SRCAP: variants seen among roughly 807,000 people sequenced by gnomAD.
The protein encoded by SRCAP is Snf2 related CREBBP activator protein, also known as chromatin remodeling protein SRCAP.
In SRCAP, 46 loss-of-function variants were observed where a neutral mutation model predicts 263.1. That is an observed-to-expected ratio of 0.17 (90% confidence interval 0.14 to 0.22). The LOEUF (loss-of-function observed/expected upper bound fraction) is 0.22, where lower values mean the gene tolerates loss of function less well. Ranked by LOEUF, SRCAP falls within the 10% of genes least tolerant of loss-of-function variation. The pLI is 1.00. For synonymous variants in SRCAP, 1,813 were observed against 1,662.1 expected, an observed-to-expected ratio of 1.09 and a Z score of -2.21; for missense variants, 3,695 against 4,181.9, an observed-to-expected ratio of 0.88 and a Z score of 3.21.
chr16:30,724,603 A>G lies in SRCAP; in HGVS notation c.5179A>G (p.Thr1727Ala), dbSNP rs750364979. Residue 1727 changes from threonine to alanine, a missense_variant, in exon 25 of 34, where the codon ACT (threonine) becomes GCT (alanine). Coordinates refer to ENST00000262518, the MANE Select transcript of SRCAP (RefSeq NM_006662.3). ...AACTCCAGCATCATCCCTGGTACCAACTCCAGCCCAGACACTGTCTTTGGC... is the reference window on the plus strand; with the variant it reads ...AACTCCAGCATCATCCCTGGTACCAGCTCCAGCCCAGACACTGTCTTTGGC... ...SLTPASSLVP[T>A]PAQTLSLAPG... 12 of 1,613,140 alleles carry G rather than the reference A, an allele frequency of 7.4e-6. No individual in the cohort carries two copies. The highest frequency in any genetic ancestry group is 5.0e-5 in the Admixed American group (3 of 59,934).
chr16:30,711,475 T>C (rs1455657532), intron 10 of SRCAP, 96 bp from the exon 11 acceptor site: 30 of 1,298,536 alleles, frequency 2.3e-5, no homozygotes, highest in Non-Finnish European at 3.1e-5. Flanking sequence ...GGCCTAGCAG[T>C]ATCTACAGAG....
rs374747135 is a variant in SRCAP, at chr16:30,711,582, A to G, written c.1330A>G (p.Met444Val). ...SELAREGELS[M>V]EELLQQYAGA... ...TGTTTCTCTTCCAGGTGAGCTTTCCATGGAGGAGCTATTGCAGCAGTATGC... is the reference window on the plus strand; with the variant it reads ...TGTTTCTCTTCCAGGTGAGCTTTCCGTGGAGGAGCTATTGCAGCAGTATGC... The change falls in exon 11 of 34, where the codon ATG becomes GTG. Residue 444 changes from methionine to valine, a missense_variant. By Grantham distance (21) the Met-to-Val change is conservative. This residue lies in a region of SRCAP where 288 missense variants were observed against 302.4 expected (regional missense o/e 0.95). Coordinates refer to ENST00000262518, the MANE Select transcript of SRCAP (RefSeq NM_006662.3). 54 of 1,591,160 alleles carry G rather than the reference A, an allele frequency of 3.4e-5. No homozygotes were observed. Among genetic ancestry groups the G allele is most frequent in the Non-Finnish European group, 4.5e-5 (53 of 1,171,586 alleles).
At chr16:30,707,528 A>C in intron 5 of SRCAP, 44 bp from the exon 6 acceptor site, 1 of 1,608,786 alleles carries the variant, frequency 6.2e-7, no homozygotes, top group Non-Finnish European at 8.5e-7. Flanking sequence ...TGGGTGGGGA[A>C]GTCTGGCTTT....
In SRCAP at chr16:30,738,262, C is replaced by T; in HGVS notation, c.8222C>T (p.Pro2741Leu). The T allele has an allele frequency of 6.2e-7, 1 of 1,611,412 alleles. No individual in the cohort carries two copies. ...CAAGGGACTGGTCGGCCAGGACAAC[C>T]ACCAGGCCCCAAAGTGCTTCGAAAG... ...RGQGTGRPGQ[P>L]PGPKVLRKLP... Residue 2741 changes from proline (P) to leucine (L), a missense_variant, in exon 34 of 34, where the codon CCA (proline) becomes CTA (leucine). By Grantham distance (98) the Pro-to-Leu change is moderately conservative. Transcript: ENST00000262518.
chr16:30,728,993 C>G lies in SRCAP; in HGVS notation c.5686C>G (p.Gln1896Glu). 6.2e-7 allele frequency: 1 copy of G among 1,613,732 alleles called. No homozygotes were observed. Residue 1896 changes from glutamine (Q) to glutamate (E), a missense_variant, in exon 26 of 34, where the codon CAG (glutamine) becomes GAG (glutamate). By Grantham distance (29) the Gln-to-Glu change is conservative. This residue lies in a region of SRCAP where 1,347 missense variants were observed against 1,304.4 expected (regional missense o/e 1.03). Transcript: ENST00000262518. ...LDSLEEKRKR[Q>E]RSERLERIFQ... ...CTCCCTGGAGGAAAAGCGGAAGCGG[C>G]AGCGGTCTGAACGCCTGGAACGGAT...
At chr16:30,715,287 C>T (rs551341788) in intron 16 of SRCAP, among the ~76,000 whole-genome samples, 5 of 152,220 alleles carry the variant, frequency 3.3e-5, no homozygotes, top group Non-Finnish European at 5.9e-5. Context: ...GGAAGTCGGC[C>T]GGGCGCGGTG....
rs2053211507 is a variant in SRCAP, at chr16:30,740,249, A to G, written c.*516A>G. ...CCTAGCACCTGATCTCTAGCCCAGG[A>G]CTATATGTTCCAGGCAGAAATCTAC... On this transcript the variant is annotated 3_prime_UTR_variant, in exon 34 of 34. Coordinates refer to ENST00000262518, the MANE Select transcript of SRCAP (RefSeq NM_006662.3). The G allele has an allele frequency of 6.6e-6, 1 of 152,444 alleles. No homozygotes were observed. The highest frequency in any genetic ancestry group is 1.5e-5 in the Non-Finnish European group (1 of 68,042). 9.4% of individuals were successfully genotyped at this position (152,444 alleles called of 1,614,324 possible). A position where few individuals can be genotyped will look rare whatever the true frequency, so the allele number is the denominator to read the frequency against.
chr16:30,701,740 C>G (rs2151283172), intron 3 of SRCAP, among the ~76,000 whole-genome samples: 1 of 150,760 alleles, frequency 6.6e-6, no homozygotes, highest in East Asian at 1.9e-4. Flanking sequence ...AACAGTTCTC[C>G]TGCCTCAGCC....
rs557791839 is a variant in SRCAP, at chr16:30,725,024, T to C, written c.5600T>C (p.Phe1867Ser). ...AGCCCTCCCTCCACTGCTACCTCGT[T>C]TGGTGGCCCCCGGCCTCGACGCCAG... ...PPSPPSTATS[F>S]GGPRPRRQPP... Residue 1867 changes from phenylalanine to serine, a missense_variant, in exon 25 of 34, where the codon TTT becomes TCT. Phe to Ser is a radical substitution (Grantham distance 155). Transcript: ENST00000262518. 2 of 1,611,958 alleles carry C rather than the reference T, an allele frequency of 1.2e-6. No individual in the cohort carries two copies. Among genetic ancestry groups the C allele is most frequent in the Admixed American group, 1.7e-5 (1 of 59,880 alleles).
In SRCAP at chr16:30,739,258, C is replaced by G. The variant is rs756246803; in HGVS notation, c.9218C>G (p.Ala3073Gly). 5.0e-6 allele frequency: 8 copies of G among 1,613,774 alleles called. No homozygotes were observed. The highest frequency in any genetic ancestry group is 6.8e-6 in the Non-Finnish European group (8 of 1,180,034). Reference protein sequence around the residue: ...LTRLARLRLEAEGMRGRKSGG... With the variant: ...LTRLARLRLEGEGMRGRKSGG... ...CGCCTGGCCCGCCTTCGGCTTGAAGCAGAAGGAATGCGAGGACGGAAGAGT... is the reference window on the plus strand; with the variant it reads ...CGCCTGGCCCGCCTTCGGCTTGAAGGAGAAGGAATGCGAGGACGGAAGAGT... Residue 3073 changes from alanine to glycine, a missense_variant, in exon 34 of 34, where the codon GCA (alanine) becomes GGA (glycine). Physicochemically the swap from Ala to Gly is moderately conservative, Grantham distance 60. Coordinates refer to ENST00000262518, the MANE Select transcript of SRCAP (RefSeq NM_006662.3).
chr16:30,737,089 A>G lies in SRCAP; in HGVS notation c.7049A>G (p.Lys2350Arg). 1 of 1,610,022 alleles carries G rather than the reference A, an allele frequency of 6.2e-7. No individual in the cohort carries two copies. Among genetic ancestry groups the G allele is most frequent in the African/African-American group, 1.3e-5 (1 of 74,890 alleles). ...EAARKDLDQAKEEVFRLPQEE... is the reference protein window; with the variant it reads ...EAARKDLDQAREEVFRLPQEE... Reference sequence around the variant, plus strand: ...GCCCGCAAAGACCTGGACCAAGCCAAGGAGGAGGTGTTCCGCCTACCCCAA... The same window carrying G: ...GCCCGCAAAGACCTGGACCAAGCCAGGGAGGAGGTGTTCCGCCTACCCCAA... Residue 2350 changes from lysine (K) to arginine (R), a missense_variant, in exon 34 of 34, where the codon AAG (lysine) becomes AGG (arginine). Physicochemically the swap from Lys to Arg is conservative, Grantham distance 26. This residue lies in a region of SRCAP where 91 missense variants were observed against 150.6 expected (regional missense o/e 0.60). Transcript: ENST00000262518.
rs747375068 is a variant in SRCAP, at chr16:30,710,746, C to T, written c.1135-8C>T. 2 of 1,613,802 alleles carry T rather than the reference C, an allele frequency of 1.2e-6. No individual in the cohort carries two copies. Among genetic ancestry groups the T allele is most frequent in the South Asian group, 1.1e-5 (1 of 91,080 alleles). On this transcript the variant is annotated splice_polypyrimidine_tract_variant and splice_region_variant and intron_variant, in intron 8 of 33. Coordinates refer to ENST00000262518, the MANE Select transcript of SRCAP (RefSeq NM_006662.3). ...AGACCCTTCCCTTTTTTATCTTTTG[C>T]CATACAGATAAAGCCCCCACCCTCT... is the stretch of plus-strand genomic sequence containing the variant.
intron 16 of SRCAP, among the ~76,000 whole-genome samples, chr16:30,715,660 A>G (rs2052941395): frequency 6.6e-6 from 1 of 151,466 alleles, no homozygotes. Context: ...CACTGTAGAC[A>G]TTGATGACTG....
At position 30,723,720 on chromosome 16, in the gene SRCAP, A is replaced by T; in HGVS notation, c.4296A>T (p.Ser1432=). The T allele has an allele frequency of 6.2e-7, 1 of 1,613,804 alleles. No homozygotes were observed. The highest frequency in any genetic ancestry group is 8.5e-7 in the Non-Finnish European group (1 of 1,179,910). The change falls in exon 25 of 34, where the codon TCA becomes TCT. Residue 1432 remains serine (S), a synonymous_variant. Coordinates refer to ENST00000262518, the MANE Select transcript of SRCAP (RefSeq NM_006662.3). ...PLASPVSSTV[S]VPLSSSLPIS... The stretch of plus-strand genomic sequence containing the variant: ...CTAGTCCTGTGTCCTCTACAGTCTC[A>T]GTTCCATTGTCATCTTCACTCCCCA...
At chr16:30,726,928 C>T (rs961031300) in intron 25 of SRCAP, among the ~76,000 whole-genome samples, 24 of 152,302 alleles carry the variant, frequency 1.6e-4, no homozygotes, top group African/African-American at 2.2e-4. Context: ...TCTCGAACTC[C>T]TGACCTCAGG....
rs150297897 is a variant in SRCAP, at chr16:30,728,090, A to G, written c.5659-876A>G. 2.9e-4 allele frequency among the ~76,000 whole-genome samples: 44 copies of G among 152,304 alleles called. 2 individuals are homozygous for G. In the East Asian group the frequency reaches 8.1e-3, roughly 28 times the overall value. ...ACACCTTTTTTCCCTCACATAGAGC[A>G]CTTCAAGCCAAGAGGTGAAACTTGG... is the stretch of plus-strand genomic sequence containing the variant. On this transcript the variant is annotated intron_variant, in intron 25 of 33. Transcript: ENST00000262518.
In SRCAP at chr16:30,716,197, G is replaced by C; in HGVS notation, c.2625G>C (p.Gln875His). Residue 875 changes from glutamine (Q) to histidine (H), a missense_variant, in exon 17 of 34, where the codon CAG (glutamine) becomes CAC (histidine). Physicochemically the swap from Gln to His is conservative, Grantham distance 24. Coordinates refer to ENST00000262518, the MANE Select transcript of SRCAP (RefSeq NM_006662.3). ...GTCTCTATGATGACTTCATGGCACA[G>C]ACCACGTAAGGGAGGAAGGAGGGTG... ...QRCLYDDFMA[Q>H]TTTKETLATG... 1.2e-6 allele frequency: 2 copies of C among 1,614,168 alleles called. No homozygotes were observed. The highest frequency in any genetic ancestry group is 1.1e-5 in the South Asian group (1 of 91,086).
rs1388938713 is a variant in SRCAP at position 30,712,103 on chromosome 16, T to C, written c.1761T>C (p.Ile587=). Reference sequence around the variant, plus strand: ...GTCCAAAGAAAGAAATTACTGACATTGCTGCAGCAGCTGAAAGTCTCCAGC... The same window carrying C: ...GTCCAAAGAAAGAAATTACTGACATCGCTGCAGCAGCTGAAAGTCTCCAGC... The part of the protein sequence containing the change: ...TLGPKKEITD[I]AAAAESLQPK... Residue 587 remains isoleucine (I), a synonymous_variant, in exon 12 of 34, where the codon ATT becomes ATC. Coordinates refer to ENST00000262518, the MANE Select transcript of SRCAP (RefSeq NM_006662.3). The C allele has an allele frequency of 1.2e-6, 2 of 1,614,122 alleles. No individual in the cohort carries two copies. The highest frequency in any genetic ancestry group is 3.3e-5 in the Admixed American group (2 of 60,020).
rs749823897 is a variant in SRCAP, at chr16:30,737,025, C to T, written c.7009-24C>T. 3.2e-6 allele frequency: 5 copies of T among 1,550,370 alleles called. No homozygotes were observed. In the African/African-American group the frequency reaches 5.5e-5, roughly 17 times the overall value. ...TCTACTCTGCTTGCCTCCTCCTGACCACTTTTGGACCCTGTTGTTGTAGGA... is the reference window on the plus strand; with the variant it reads ...TCTACTCTGCTTGCCTCCTCCTGACTACTTTTGGACCCTGTTGTTGTAGGA... On this transcript the variant is annotated intron_variant, in intron 33 of 33. Coordinates refer to ENST00000262518, the MANE Select transcript of SRCAP (RefSeq NM_006662.3).
Sources: allele counts gnomAD v4.1 joint callset (sites outside exome capture counted in the v4.1 genomes callset), GRCh38; gene constraint gnomAD v4.1.1; regional missense constraint gnomAD v4.1.1; transcripts MANE v1.5; gene names NCBI Gene and HGNC (gene_info 2026-07-23, HGNC 2026-07-21).